Variants in B4GALT6 observed in about 807,000 individuals in gnomAD.
B4GALT6 encodes the protein UDP-Gal:beta-GlcNAc beta-1,4-galactosyltransferase 6.
Under a neutral mutation model 46.3 loss-of-function variants are expected in B4GALT6, and 14 were observed. That is an observed-to-expected ratio of 0.30 (90% CI 0.20 to 0.47). The LOEUF is 0.47. Among genes scored for constraint, B4GALT6 ranks in the 20% least tolerant of loss-of-function variants. The pLI, the probability that B4GALT6 is intolerant of heterozygous loss-of-function variation, is 0.99. For missense variants in B4GALT6, 386 were observed against 480.1 expected (o/e 0.80, Z 1.83); for synonymous variants, 168 against 162.0 (o/e 1.04, Z -0.28).
At position 31,651,828 on chromosome 18, in the gene B4GALT6, T is replaced by C. The variant is rs375974405; in HGVS notation, c.346+6148A>G. 1.1e-4 allele frequency among the ~76,000 whole-genome samples: 16 copies of C among 152,298 alleles called. No homozygotes were observed. The East Asian group carries it at 2.9e-3, about 28-fold the overall frequency. ...CTCTGTTTCCCAGGCTGAAGTGCAGTGGCGAGATCTCAGCTCACTGCCAGC... is the reference window on the plus strand; with the variant it reads ...CTCTGTTTCCCAGGCTGAAGTGCAGCGGCGAGATCTCAGCTCACTGCCAGC... On this transcript the variant is annotated intron_variant, in intron 3 of 8. Transcript: ENST00000306851.
At chr18:31,670,904 C>A (rs563896377) in intron 1 of B4GALT6, among the ~76,000 whole-genome samples, 17 of 152,112 alleles carry the variant, frequency 1.1e-4, no homozygotes, top group African/African-American at 4.1e-4. Flanking sequence ...CTCCCCTAGT[C>A]CCCCAACCCC....
chr18:31,710,803 T>C, the B4GALT6 span, among the ~76,000 whole-genome samples: 2 of 58,824 alleles, frequency 3.4e-5, no homozygotes, highest in Non-Finnish European at 9.1e-5. Flanking sequence ...CTACTCAGTT[T>C]CCTGAATACA....
At chr18:31,679,611 A>G (rs1177585887) in intron 1 of B4GALT6, among the ~76,000 whole-genome samples, 1 of 152,162 alleles carries the variant, frequency 6.6e-6, no homozygotes, top group Admixed American at 6.5e-5. Context: ...GAGTTTTATT[A>G]CTCAGATGTG....
chr18:31,677,575 T>C (rs1309249746), intron 1 of B4GALT6, among the ~76,000 whole-genome samples: 1 of 152,254 alleles, frequency 6.6e-6, no homozygotes, highest in Non-Finnish European at 1.5e-5. Flanking sequence ...TCAGAAAACC[T>C]ACTCTCAATC....
At chr18:31,630,084 C>CGGGGAGGGGGAAGGAGGGGAGCGGGAGT (rs2073765809) in intron 6 of B4GALT6, among the ~76,000 whole-genome samples, 1 of 10,108 alleles carries the variant, frequency 9.9e-5, no homozygotes, top group Non-Finnish European at 1.9e-4. Flanking sequence ...GGAGCGGAAG[C>CGGGGAGGGGGAAGGAGGGGAGCGGGAGT]GGGGAGGGGG....
chr18:31,645,380 G>A lies in B4GALT6; in HGVS notation c.446C>T (p.Pro149Leu). Residue 149 changes from proline to leucine, a missense_variant, in exon 4 of 9, where the codon CCA becomes CTA. Pro to Leu is a moderately conservative substitution (Grantham distance 98, BLOSUM62 -3). Transcript: ENST00000306851. ...LDIEPGGHWR[P>L]KDCKPRWKVA... is the part of the protein sequence containing the mutation. Reference sequence around the variant, plus strand: ...CTTCCATCTGGGTTTACAGTCTTTTGGCCTCCAATGACCCCCTGGCTCAAT... The same window carrying A: ...CTTCCATCTGGGTTTACAGTCTTTTAGCCTCCAATGACCCCCTGGCTCAAT... 6.2e-7 allele frequency: 1 copy of A among 1,613,618 alleles called. No individual in the cohort carries two copies. The highest frequency in any genetic ancestry group is 8.5e-7 in the Non-Finnish European group (1 of 1,179,850).
intron 2 of B4GALT6, among the ~76,000 whole-genome samples, chr18:31,663,248 C>G (rs1048765657): frequency 6.6e-6 from 1 of 152,118 alleles, no homozygotes; most frequent in Non-Finnish European, 1.5e-5. Flanking sequence ...TGTTAGAAAC[C>G]GATGAGAGTC....
chr18:31,670,007 CT>C (rs996819079), intron 1 of B4GALT6, among the ~76,000 whole-genome samples: 2 of 150,992 alleles, frequency 1.3e-5, no homozygotes, highest in African/African-American at 4.9e-5. Flanking sequence ...CTGGAAACAA[CT>C]TTTTAAATTA....
At chr18:31,670,993 T>C (rs986204600) in intron 1 of B4GALT6, among the ~76,000 whole-genome samples, 3 of 151,820 alleles carry the variant, frequency 2.0e-5, no homozygotes, top group Non-Finnish European at 2.9e-5. Flanking sequence ...TGAGAACACG[T>C]AGTGTTTGGT....
chr18:31,675,475 A>T (rs1024248306), intron 1 of B4GALT6, among the ~76,000 whole-genome samples: 1 of 152,260 alleles, frequency 6.6e-6, no homozygotes, highest in Non-Finnish European at 1.5e-5. Flanking sequence ...ACCCTAGTTG[A>T]TAATTCAAAA....
At chr18:31,695,366 G>A in the B4GALT6 span, among the ~76,000 whole-genome samples, 1 of 151,950 alleles carries the variant, frequency 6.6e-6, no homozygotes, top group Non-Finnish European at 1.5e-5. Context: ...AGAAAGCCTG[G>A]GAATATTGTC....
chr18:31,658,098 G>T lies in B4GALT6; in HGVS notation c.233-9C>A. On this transcript the variant is annotated splice_polypyrimidine_tract_variant and intron_variant, in intron 2 of 8. Coordinates refer to ENST00000306851, the MANE Select transcript of B4GALT6 (RefSeq NM_004775.5). ...ATTGCCTTCGGGATAATCTTGGAAA[G>T]AGAGAAAAGAGTTACAAAAAAAAAA... is the stretch of plus-strand genomic sequence containing the variant. 6.7e-7 allele frequency: 1 copy of T among 1,499,896 alleles called. No individual in the cohort carries two copies. Among genetic ancestry groups the T allele is most frequent in the Non-Finnish European group, 9.0e-7 (1 of 1,114,956 alleles). 92.9% of individuals were successfully genotyped at this position (1,499,896 alleles called of 1,614,324 possible). A position where few individuals can be genotyped will look rare whatever the true frequency, so the allele number is the denominator to read the frequency against.
chr18:31,636,031 T>C (rs1273180972), intron 5 of B4GALT6, among the ~76,000 whole-genome samples: 1 of 152,216 alleles, frequency 6.6e-6, no homozygotes, highest in African/African-American at 2.4e-5. Context: ...GACGTGTATA[T>C]ATTAAGTGAT....
At chr18:31,694,779 A>G in the B4GALT6 span, among the ~76,000 whole-genome samples, 1 of 152,240 alleles carries the variant, frequency 6.6e-6, no homozygotes, top group East Asian at 1.9e-4. Context: ...CTTTACCAAC[A>G]TGAAATTTCA....
intron 2 of B4GALT6, among the ~76,000 whole-genome samples, chr18:31,661,769 G>C (rs1483748214): frequency 1.3e-5 from 2 of 152,150 alleles, no homozygotes; most frequent in Admixed American, 1.3e-4. Context: ...AGAAAAAAAA[G>C]TAAGTTTGTC....
the B4GALT6 span, among the ~76,000 whole-genome samples, chr18:31,721,311 T>G: frequency 2.6e-4 from 39 of 152,214 alleles, no homozygotes; most frequent in African/African-American, 8.4e-4. Context: ...GTTGTGCACA[T>G]GTACCCTAGA....
intron 6 of B4GALT6, among the ~76,000 whole-genome samples, chr18:31,630,551 C>T (rs188568301): frequency 1.1e-4 from 16 of 152,182 alleles, no homozygotes; most frequent in Admixed American, 2.0e-4. Context: ...ATGAGTTATG[C>T]ACCTACCACA....
the B4GALT6 span, among the ~76,000 whole-genome samples, chr18:31,703,874 T>C: frequency 0.012 from 1,883 of 152,322 alleles, 24 homozygotes; most frequent in Non-Finnish European, 0.018. Flanking sequence ...CTTTTGCATA[T>C]GTATCAGCAG....
chr18:31,705,413 A>C, the B4GALT6 span, among the ~76,000 whole-genome samples: 1 of 152,008 alleles, frequency 6.6e-6, no homozygotes, highest in African/African-American at 2.4e-5. Context: ...TTTGAGATGG[A>C]GTTTCAATCT....
Sources: allele counts gnomAD v4.1 joint callset (sites outside exome capture counted in the v4.1 genomes callset), GRCh38; gene constraint gnomAD v4.1.1; transcripts MANE v1.5; gene names NCBI Gene and HGNC (gene_info 2026-07-23, HGNC 2026-07-21).